The following CNTN5 variants were observed in gnomAD, a reference collection of about 807,000 sequenced individuals.
CNTN5 encodes contactin 5.
Under a neutral mutation model 129.1 loss-of-function variants are expected in CNTN5, and 77 were observed. That is an observed-to-expected ratio of 0.60 (90% CI 0.50 to 0.72). CNTN5 has a LOEUF of 0.72. Among genes scored for constraint, CNTN5 ranks in the 30% least tolerant of loss-of-function variants. CNTN5 has a pLI of 0.00. For missense variants in CNTN5, 1,478 were observed against 1,328.8 expected, an observed-to-expected ratio of 1.11 and a Z score of -1.75; for synonymous variants, 509 against 465.6, an observed-to-expected ratio of 1.09 and a Z score of -1.20.
At chr11:99,541,401 G>A (rs1948102216) in intron 2 of CNTN5, among the ~76,000 whole-genome samples, 1 of 152,084 alleles carries the variant, frequency 6.6e-6, no homozygotes, top group Admixed American at 6.6e-5. Context: ...ATTAATAAAT[G>A]TTTATTAAAG....
chr11:100,018,486 G>T (rs967560596), intron 9 of CNTN5, among the ~76,000 whole-genome samples: 4 of 151,884 alleles, frequency 2.6e-5, no homozygotes, highest in Non-Finnish European at 5.9e-5. Context: ...CATACAAGTT[G>T]TTGAATGTGT....
chr11:100,112,856 A>G (rs1945700471), intron 13 of CNTN5, among the ~76,000 whole-genome samples: 2 of 152,158 alleles, frequency 1.3e-5, no homozygotes, highest in African/African-American at 4.8e-5. Flanking sequence ...ACAGTAATTG[A>G]CTAACTCCCA....
chr11:100,247,316 C>T (rs185614425), intron 16 of CNTN5, among the ~76,000 whole-genome samples: 117 of 152,012 alleles, frequency 7.7e-4, no homozygotes, highest in African/African-American at 2.7e-3. Flanking sequence ...AAGTTGAGCT[C>T]GATCAAATTA....
chr11:100,340,678 C>T, intron 22 of CNTN5, 29 bp downstream of exon 22: 1 of 1,558,248 alleles, frequency 6.4e-7, no homozygotes. Context: ...TTGTTTGTTT[C>T]AGACAAAGGG....
At chr11:99,385,885 T>C (rs1227986792) in intron 2 of CNTN5, among the ~76,000 whole-genome samples, 1 of 152,190 alleles carries the variant, frequency 6.6e-6, no homozygotes, top group Non-Finnish European at 1.5e-5. Context: ...GTCTTCCTCA[T>C]GTTGTCAAAA....
rs151180863 is a variant in CNTN5, at chr11:99,514,686, G to A, written c.-70-41459G>A. On this transcript the variant is annotated intron_variant, in intron 2 of 24. Coordinates refer to ENST00000524871, the MANE Select transcript of CNTN5 (RefSeq NM_014361.4). ...AAGTATTTTAAATTGAGGTATATAC[G>A]TTGTTTTTTACCTAATGCTATTGCA... 1.1e-4 allele frequency among the ~76,000 whole-genome samples: 17 copies of A among 152,114 alleles called. No individual in the cohort carries two copies. The East Asian group carries it at 3.1e-3, about 28-fold the overall frequency.
In CNTN5 at chr11:100,209,713, C is replaced by T. The variant is rs143776421; in HGVS notation, c.1885-14979C>T. Among the ~76,000 whole-genome samples, 5 of 152,154 alleles carry T rather than the reference C, an allele frequency of 3.3e-5. No homozygotes were observed. The East Asian group carries it at 9.7e-4, about 29-fold the overall frequency. ...AGTTCTAGTGATCTCAGTGCCTCAG[C>T]CACATTTTGATAAAAACAAAAGCAG... On this transcript the variant is annotated intron_variant, in intron 15 of 24. Transcript: ENST00000524871.
chr11:99,770,310 C>G (rs1341111577), intron 3 of CNTN5, among the ~76,000 whole-genome samples: 1 of 152,006 alleles, frequency 6.6e-6, no homozygotes, highest in African/African-American at 2.4e-5. Flanking sequence ...TCAAAGAAGT[C>G]TCATTCTTAT....
intron 13 of CNTN5, among the ~76,000 whole-genome samples, chr11:100,188,678 G>A (rs532391944): frequency 6.6e-6 from 1 of 152,228 alleles, no homozygotes; most frequent in Admixed American, 6.5e-5. Context: ...AAAGCAATTT[G>A]GAGATTCCTC....
At chr11:99,981,103 T>TATATATATATATATATATATACAC (rs1014330113) in intron 8 of CNTN5, among the ~76,000 whole-genome samples, 2 of 54,530 alleles carry the variant, frequency 3.7e-5, no homozygotes, top group African/African-American at 1.9e-4. Context: ...TATATATATA[T>TATATATATATATATATATATACAC]ACACACACAC....
At chr11:100,182,946 A>AT (rs149600205) in intron 13 of CNTN5, among the ~76,000 whole-genome samples, 4,694 of 152,128 alleles carry the variant, frequency 0.031, 240 homozygotes, top group African/African-American at 0.11. Context: ...GAATAAATTG[A>AT]TAAAAAAGGG....
chr11:100,171,022 C>T (rs1449442980), intron 13 of CNTN5, among the ~76,000 whole-genome samples: 3 of 151,876 alleles, frequency 2.0e-5, no homozygotes, highest in Non-Finnish European at 4.4e-5. Context: ...CATGAGATTA[C>T]AAGTGATGTT....
At chr11:99,958,403 G>C (rs1702003637) in intron 8 of CNTN5, among the ~76,000 whole-genome samples, 2 of 152,190 alleles carry the variant, frequency 1.3e-5, no homozygotes, top group African/African-American at 4.8e-5. Context: ...CTCCTCATCA[G>C]AAAAGAACAC....
In CNTN5 at chr11:100,061,373, G is replaced by T. The variant is rs777608054; in HGVS notation, c.1142G>T (p.Arg381Leu). The change falls in exon 10 of 25, where the codon CGT becomes CTT. Residue 381 changes from arginine to leucine, a missense_variant. Transcript: ENST00000524871. The stretch of plus-strand genomic sequence containing the variant: ...AACTCACGTGGAAAAAATTCCTTTC[G>T]TGGACAATTACAAGTATACAGTAAG... ...AENSRGKNSFRGQLQVYTYPH... is the reference protein window; with the variant it reads ...AENSRGKNSFLGQLQVYTYPH... 1.9e-6 allele frequency: 3 copies of T among 1,598,092 alleles called. No individual in the cohort carries two copies. The highest frequency in any genetic ancestry group is 2.6e-6 in the Non-Finnish European group (3 of 1,167,854).
chr11:99,110,239 A>G (rs573084665), intron 1 of CNTN5, among the ~76,000 whole-genome samples: 2 of 152,146 alleles, frequency 1.3e-5, no homozygotes, highest in Non-Finnish European at 2.9e-5. Flanking sequence ...AGAGAAAAGC[A>G]TATGTGAAGG....
chr11:99,791,430 T>C (rs1175712226), intron 3 of CNTN5, among the ~76,000 whole-genome samples: 8 of 152,136 alleles, frequency 5.3e-5, no homozygotes, highest in Non-Finnish European at 1.2e-4. Context: ...TTTTGTCTAC[T>C]GTGTCAAAGA....
At chr11:100,156,866 G>T (rs1233796245) in intron 13 of CNTN5, among the ~76,000 whole-genome samples, 1 of 151,776 alleles carries the variant, frequency 6.6e-6, no homozygotes, top group African/African-American at 2.4e-5. Flanking sequence ...TTTTTAGTGT[G>T]TCTATTTGAT....
chr11:99,856,825 C>T (rs1948050084), intron 6 of CNTN5, among the ~76,000 whole-genome samples: 1 of 152,088 alleles, frequency 6.6e-6, no homozygotes, highest in Non-Finnish European at 1.5e-5. Context: ...GTCATTTTTC[C>T]AGATTTCTCT....
intron 3 of CNTN5, among the ~76,000 whole-genome samples, chr11:99,579,261 C>T (rs376601997): frequency 0.04 from 5,967 of 150,938 alleles, 146 homozygotes; most frequent in South Asian, 0.083. Context: ...AGTCAGGTAG[C>T]GTGATGCCTC....
Sources: allele counts gnomAD v4.1 joint callset (sites outside exome capture counted in the v4.1 genomes callset), GRCh38; gene constraint gnomAD v4.1.1; transcripts MANE v1.5; gene names NCBI Gene and HGNC (gene_info 2026-07-23, HGNC 2026-07-21).